Variants in RBFOX1 observed in about 807,000 individuals in gnomAD.
RBFOX1 encodes the protein RNA binding fox-1 homolog 1.
RBFOX1 carries 8 observed loss-of-function variants against 57.7 expected under a neutral mutation model. The ratio of observed to expected loss-of-function variants is 0.14; its 90% CI spans 0.08 to 0.25. The LOEUF (loss-of-function observed/expected upper bound fraction) is 0.25. Among genes scored for constraint, RBFOX1 ranks in the 10% least tolerant of loss-of-function variants. RBFOX1 has a pLI of 1.00. For missense variants in RBFOX1, 611 were observed against 548.5 expected, an observed-to-expected ratio of 1.11 and a Z score of -1.14; for synonymous variants, 326 against 222.4, an observed-to-expected ratio of 1.47 and a Z score of -4.15.
intron 3 of RBFOX1, among the ~76,000 whole-genome samples, chr16:5,751,128 C>A (rs908406267): frequency 2.0e-5 from 3 of 152,170 alleles, no homozygotes; most frequent in Non-Finnish European, 2.9e-5. Context: ...CAGGCATGAG[C>A]CATCGTGCCT....
chr16:7,394,023 G>T (rs999654509), intron 4 of RBFOX1, among the ~76,000 whole-genome samples: 2 of 151,984 alleles, frequency 1.3e-5, no homozygotes, highest in South Asian at 2.1e-4. Flanking sequence ...ATCACCTGAG[G>T]TCAGGAGTTG....
chr16:5,655,639 T>G (rs757955936), intron 3 of RBFOX1, among the ~76,000 whole-genome samples: 1 of 152,230 alleles, frequency 6.6e-6, no homozygotes, highest in Non-Finnish European at 1.5e-5. Flanking sequence ...CTGTGTGTCT[T>G]TGTTCAAGCT....
chr16:7,413,203 C>A (rs1319390671), intron 4 of RBFOX1, among the ~76,000 whole-genome samples: 5 of 152,150 alleles, frequency 3.3e-5, no homozygotes, highest in African/African-American at 1.2e-4. Context: ...CCAGGACACA[C>A]CATTGAGACA....
chr16:5,929,359 G>T (rs370399267), intron 4 of RBFOX1, among the ~76,000 whole-genome samples: 1 of 151,888 alleles, frequency 6.6e-6, no homozygotes, highest in Non-Finnish European at 1.5e-5. Flanking sequence ...CCACCCCCAA[G>T]CATTATAAAT....
chr16:6,030,528 G>A (rs1051240660), intron 1 of RBFOX1, among the ~76,000 whole-genome samples: 1 of 152,050 alleles, frequency 6.6e-6, no homozygotes, highest in African/African-American at 2.4e-5. Context: ...GTATGTTACT[G>A]TATCAAAAGA....
intron 3 of RBFOX1, among the ~76,000 whole-genome samples, chr16:6,896,682 C>T (rs2067000683): frequency 1.3e-5 from 2 of 152,190 alleles, no homozygotes; most frequent in Non-Finnish European, 2.9e-5. Flanking sequence ...CATATAAGTG[C>T]TGCTGTGGTC....
Position 5,580,257 on chromosome 16 carries a change from C to G in RBFOX1, c.259-18645C>G, listed in dbSNP as rs571003628. Among the ~76,000 whole-genome samples the G allele has an allele frequency of 3.3e-5, 5 of 152,318 alleles. No homozygotes were observed. The East Asian group carries it at 9.6e-4, about 29-fold the overall frequency. ...TGAAGAGCCAGTGAGGGCAGCCTGG[C>G]TCTTCTGGGTTCTGGGAGCGCCGGC... On this transcript the variant is annotated intron_variant, in intron 2 of 2. Transcript: ENST00000585867.
chr16:7,316,344 C>A (rs1307680772), intron 4 of RBFOX1, among the ~76,000 whole-genome samples: 1 of 152,214 alleles, frequency 6.6e-6, no homozygotes, highest in African/African-American at 2.4e-5. Flanking sequence ...ATCTTCCTAA[C>A]ATTGCATGAT....
In RBFOX1 at chr16:5,445,671, G is replaced by A. The variant is rs532045123; in HGVS notation, c.220-21545G>A. On this transcript the variant is annotated intron_variant, in intron 1 of 2. Coordinates refer to the RBFOX1 transcript ENST00000585867. Reference sequence around the variant, plus strand: ...CTGTAGCATCATCTGAGTCACTCTGGTGGGGCTGCCTGGAACTTAGCAGCC... The same window carrying A: ...CTGTAGCATCATCTGAGTCACTCTGATGGGGCTGCCTGGAACTTAGCAGCC... Among the ~76,000 whole-genome samples, 26 of 152,238 alleles carry A rather than the reference G, an allele frequency of 1.7e-4. No individual in the cohort carries two copies. The South Asian group carries it at 5.4e-3, about 32-fold the overall frequency.
intron 1 of RBFOX1, among the ~76,000 whole-genome samples, chr16:5,388,577 T>C (rs1249638006): frequency 6.6e-6 from 1 of 152,010 alleles, no homozygotes; most frequent in Non-Finnish European, 1.5e-5. Flanking sequence ...TGTGTATGTA[T>C]GTATGTATAT....
intron 5 of RBFOX1, among the ~76,000 whole-genome samples, chr16:7,520,246 C>T (rs1434047580): frequency 6.6e-6 from 1 of 152,238 alleles, no homozygotes; most frequent in East Asian, 1.9e-4. Context: ...GCCTTCCTCC[C>T]TTTTTAATTT....
intron 2 of RBFOX1, among the ~76,000 whole-genome samples, chr16:6,556,348 G>A (rs1025853900): frequency 6.6e-6 from 1 of 152,190 alleles, no homozygotes; most frequent in African/African-American, 2.4e-5. Context: ...GGAATTACCA[G>A]ATGTTGTTCA....
chr16:5,912,036 C>A (rs550911642), intron 4 of RBFOX1, among the ~76,000 whole-genome samples: 1 of 152,156 alleles, frequency 6.6e-6, no homozygotes, highest in Non-Finnish European at 1.5e-5. Context: ...TCCACTGATT[C>A]ATCCATCCTC....
chr16:5,369,789 C>T (rs552741444), intron 1 of RBFOX1, among the ~76,000 whole-genome samples: 14 of 152,276 alleles, frequency 9.2e-5, no homozygotes, highest in African/African-American at 3.4e-4. Flanking sequence ...GAAAGCAGGC[C>T]CTGCTTCTAG....
intron 3 of RBFOX1, among the ~76,000 whole-genome samples, chr16:6,882,536 C>T (rs753253241): frequency 1.1e-4 from 17 of 151,996 alleles, no homozygotes; most frequent in East Asian, 1.9e-4. Context: ...AGGGAGGTTG[C>T]AGTGAGCTGA....
At chr16:7,301,186 G>A (rs563838566) in intron 4 of RBFOX1, among the ~76,000 whole-genome samples, 1 of 152,256 alleles carries the variant, frequency 6.6e-6, no homozygotes, top group South Asian at 2.1e-4. Context: ...TTTGATTTGG[G>A]GTCATTGGAT....
intron 4 of RBFOX1, among the ~76,000 whole-genome samples, chr16:5,995,475 G>GA (rs1035881907): frequency 6.6e-6 from 1 of 151,942 alleles, no homozygotes; most frequent in African/African-American, 2.4e-5. Flanking sequence ...GAGAGAGGGA[G>GA]AAAAAAAATA....
At chr16:6,899,311 A>G (rs1309340523) in intron 3 of RBFOX1, among the ~76,000 whole-genome samples, 1 of 152,152 alleles carries the variant, frequency 6.6e-6, no homozygotes, top group Non-Finnish European at 1.5e-5. Flanking sequence ...ATGCATGTGT[A>G]TGTTTCAGGG....
chr16:7,619,303 T>TC (rs1187285459), intron 10 of RBFOX1, among the ~76,000 whole-genome samples: 1 of 152,222 alleles, frequency 6.6e-6, no homozygotes. Context: ...CTATTCTCTT[T>TC]CATTTTTGAA....
Sources: gnomAD v4.1 joint callset for allele counts (sites outside exome capture counted in the v4.1 genomes callset) on GRCh38, gnomAD v4.1.1 for gene constraint, MANE v1.5 for transcripts, NCBI Gene and HGNC (gene_info 2026-07-23, HGNC 2026-07-21) for gene names.